Variants in IGSF11 observed in about 807,000 individuals in gnomAD.
IGSF11 encodes the protein immunoglobulin superfamily member 11.
In IGSF11, 22 loss-of-function variants were observed where a neutral mutation model predicts 41.0. That is an observed-to-expected ratio of 0.54 (90% confidence interval 0.38 to 0.77). The LOEUF (loss-of-function observed/expected upper bound fraction) is 0.77. Among genes scored for constraint, IGSF11 ranks in the 30% least tolerant of loss-of-function variants. The pLI is 0.00. For missense variants in IGSF11, 444 were observed against 530.8 expected (o/e 0.84, Z 1.61); for synonymous variants, 219 against 201.3 (o/e 1.09, Z -0.74).
At chr3:118,970,060 A>G (rs1933207133) in intron 1 of IGSF11, among the ~76,000 whole-genome samples, 1 of 152,194 alleles carries the variant, frequency 6.6e-6, no homozygotes, top group African/African-American at 2.4e-5. Context: ...CTCTAACTAG[A>G]CAGCCATCTC....
At chr3:119,004,674 G>C (rs1045172330) in intron 1 of IGSF11, among the ~76,000 whole-genome samples, 14 of 147,478 alleles carry the variant, frequency 9.5e-5, no homozygotes, top group Non-Finnish European at 2.1e-4. Flanking sequence ...CTTTGTTCTC[G>C]TTGGTTTCAA....
At chr3:118,990,381 T>TA (rs1935677099) in intron 1 of IGSF11, among the ~76,000 whole-genome samples, 1 of 152,154 alleles carries the variant, frequency 6.6e-6, no homozygotes, top group Non-Finnish European at 1.5e-5. Flanking sequence ...TATGGATGCA[T>TA]AATGTGCCTT....
chr3:119,022,626 T>C (rs1203353032), intron 1 of IGSF11, among the ~76,000 whole-genome samples: 1 of 152,098 alleles, frequency 6.6e-6, no homozygotes, highest in Non-Finnish European at 1.5e-5. Flanking sequence ...GTGCGTAACC[T>C]CATTAGTAAT....
rs1055370952 is a variant in IGSF11, at chr3:118,955,214, GTACA to G, written c.53-24943_53-24940del. Among the ~76,000 whole-genome samples the G allele has an allele frequency of 2.6e-4, 35 of 136,062 alleles. No individual in the cohort carries two copies. The East Asian group carries it at 7.1e-3, about 28-fold the overall frequency. The allele number at this position is 136,062 out of a possible 152,430, so 89.3% of individuals were successfully genotyped here. On this transcript the variant is annotated intron_variant, in intron 1 of 6. Coordinates refer to ENST00000393775, the MANE Select transcript of IGSF11 (RefSeq NM_001015887.3). The stretch of plus-strand genomic sequence containing the variant: ...AATTGTGGTATGTATGTATGTATAT[GTACA>G]TACACACACACACACACACACACAC...
At chr3:119,057,555 A>G (rs539319106) in intron 1 of IGSF11, among the ~76,000 whole-genome samples, 20 of 152,326 alleles carry the variant, frequency 1.3e-4, no homozygotes, top group African/African-American at 4.3e-4. Context: ...GCCCAAGGTA[A>G]TTTATAGATT....
intron 1 of IGSF11, among the ~76,000 whole-genome samples, chr3:119,130,794 C>A (rs2077471210): frequency 6.6e-6 from 1 of 152,192 alleles, no homozygotes; most frequent in South Asian, 2.1e-4. Flanking sequence ...CCAAAAGACA[C>A]CTCATACAGG....
At position 118,902,256 on chromosome 3, in the gene IGSF11, G is replaced by A. The variant is rs74859923; in HGVS notation, c.*264C>T. On this transcript the variant is annotated 3_prime_UTR_variant, in exon 7 of 7. Coordinates refer to ENST00000393775, the MANE Select transcript of IGSF11 (RefSeq NM_001015887.3). The stretch of plus-strand genomic sequence containing the variant: ...GGATTTTAAGTACTATTCTGCTCTT[G>A]TATCTTTTTCCTTGGCTTGGCACAT... 0.029 allele frequency: 11,972 copies of A among 419,610 alleles called. 524 individuals carry two copies. The highest frequency in any genetic ancestry group is 0.12 in the African/African-American group (6,197 of 50,800). 26.0% of individuals were successfully genotyped at this position (419,610 alleles called of 1,614,324 possible).
intron 4 of IGSF11, among the ~76,000 whole-genome samples, chr3:118,910,491 T>C (rs964090964): frequency 6.6e-6 from 1 of 152,218 alleles, no homozygotes; most frequent in Non-Finnish European, 1.5e-5. Flanking sequence ...TTCAGGTCCT[T>C]GTCATTTCTT....
At chr3:119,001,766 C>G (rs1936902178) in intron 1 of IGSF11, among the ~76,000 whole-genome samples, 1 of 149,868 alleles carries the variant, frequency 6.7e-6, no homozygotes, top group South Asian at 2.1e-4. Flanking sequence ...ATGATGGTTT[C>G]CAGTTTCATC....
intron 1 of IGSF11, among the ~76,000 whole-genome samples, chr3:119,039,964 CTTAGT>C (rs1439200760): frequency 6.6e-6 from 1 of 152,208 alleles, no homozygotes; most frequent in Non-Finnish European, 1.5e-5. Flanking sequence ...TTGGGAGAAA[CTTAGT>C]TTATAGTTTA....
At chr3:119,130,499 G>T (rs534347085) in intron 1 of IGSF11, among the ~76,000 whole-genome samples, 3 of 152,174 alleles carry the variant, frequency 2.0e-5, no homozygotes, top group Non-Finnish European at 4.4e-5. Flanking sequence ...GCAGCCTGGC[G>T]GGGGGAGGGG....
At chr3:119,062,446 T>A (rs528424985) in intron 1 of IGSF11, among the ~76,000 whole-genome samples, 1 of 152,214 alleles carries the variant, frequency 6.6e-6, no homozygotes, top group Admixed American at 6.6e-5. Flanking sequence ...TTTGCACCGC[T>A]CTTGTGCAGT....
chr3:118,995,891 G>A (rs1020450826), intron 1 of IGSF11, among the ~76,000 whole-genome samples: 5 of 152,004 alleles, frequency 3.3e-5, no homozygotes, highest in East Asian at 1.9e-4. Context: ...CTCGTGATCC[G>A]CCCGCCTCGG....
intron 1 of IGSF11, among the ~76,000 whole-genome samples, chr3:119,074,929 A>G (rs2076467648): frequency 6.6e-6 from 1 of 152,190 alleles, no homozygotes; most frequent in Non-Finnish European, 1.5e-5. Context: ...GAGGAACTAG[A>G]AAAACAAGAG....
chr3:118,945,339 A>G (rs1944038172), intron 1 of IGSF11, among the ~76,000 whole-genome samples: 1 of 152,204 alleles, frequency 6.6e-6, no homozygotes, highest in African/African-American at 2.4e-5. Context: ...GTGATTATTA[A>G]AAGTAATACA....
rs765935199 is a variant in IGSF11, at chr3:118,930,222, G to A, written c.106C>T (p.Arg36Trp). Residue 36 changes from arginine to tryptophan, a missense_variant, in exon 2 of 7, where the codon CGG (arginine) becomes TGG (tryptophan). This residue lies in a region of IGSF11 where 193 missense variants were observed against 283.5 expected (regional missense o/e 0.68). Transcript: ENST00000393775. ...CAGGGCAGGACTGCTGGCTGACCCC[G>A]GGCCACCTGGATACTCCCAGGGCTC... ...SESPGSIQVA[R>W]GQPAVLPCTF... The A allele has an allele frequency of 7.4e-6, 12 of 1,613,754 alleles. No homozygotes were observed. Among genetic ancestry groups the A allele is most frequent in the South Asian group, 4.4e-5 (4 of 91,032 alleles).
At chr3:119,092,677 G>A (rs1034355067) in intron 1 of IGSF11, among the ~76,000 whole-genome samples, 6 of 152,098 alleles carry the variant, frequency 3.9e-5, no homozygotes, top group Admixed American at 3.9e-4. Context: ...AATGTCCTAG[G>A]CCTTCACTTT....
At chr3:118,915,293 C>T (rs1196245280) in intron 4 of IGSF11, among the ~76,000 whole-genome samples, 2 of 133,250 alleles carry the variant, frequency 1.5e-5, no homozygotes, top group African/African-American at 3.2e-5. Context: ...AGGCTTCAGA[C>T]GATCAAATTA....
rs1413200225 is a variant in IGSF11 at position 118,930,103 on chromosome 3, C to G, written c.216+9G>C. On this transcript the variant is annotated intron_variant, in intron 2 of 6. Transcript: ENST00000393775. ...CTTTTAGAGGTAGCACAGGATGCAA[C>G]AGAAATACCTGTTCAGGTTGGTTGG... 6.2e-7 allele frequency: 1 copy of G among 1,609,242 alleles called. No individual in the cohort carries two copies. The highest frequency in any genetic ancestry group is 8.5e-7 in the Non-Finnish European group (1 of 1,177,510).
Sources: gnomAD v4.1 joint callset for allele counts (sites outside exome capture counted in the v4.1 genomes callset) on GRCh38, gnomAD v4.1.1 for gene constraint, gnomAD v4.1.1 regional missense constraint, MANE v1.5 for transcripts, NCBI Gene and HGNC (gene_info 2026-07-23, HGNC 2026-07-21) for gene names.